Variants in L3MBTL4 observed in about 807,000 individuals in gnomAD.
The protein encoded by L3MBTL4 is L3MBTL histone methyl-lysine binding protein 4, also known as lethal(3)malignant brain tumor-like protein 4.
In L3MBTL4, 70 loss-of-function variants were observed where a neutral mutation model predicts 84.5. The ratio of observed to expected loss-of-function variants is 0.83; its 90% CI spans 0.68 to 1.01. The LOEUF is 1.01. Among genes scored for constraint, L3MBTL4 ranks in the 50% least tolerant of loss-of-function variants. L3MBTL4 has a pLI of 0.00. For synonymous variants in L3MBTL4, 274 were observed against 259.8 expected, an observed-to-expected ratio of 1.05 and a Z score of -0.52; for missense variants, 715 against 754.8, an observed-to-expected ratio of 0.95 and a Z score of 0.62.
chr18:6,163,151 C>A (rs191044525), intron 13 of L3MBTL4, among the ~76,000 whole-genome samples: 1 of 150,908 alleles, frequency 6.6e-6, no homozygotes, highest in East Asian at 2.0e-4. Context: ...CCTGGAGCAA[C>A]CATTTGTTTC....
chr18:6,026,066 T>A (rs2055491950), intron 16 of L3MBTL4, among the ~76,000 whole-genome samples: 1 of 152,246 alleles, frequency 6.6e-6, no homozygotes, highest in Admixed American at 6.5e-5. Context: ...CTCAGTAAAT[T>A]GGCAGATTCA....
At chr18:5,958,564 T>G (rs2144625965) in intron 18 of L3MBTL4, among the ~76,000 whole-genome samples, 1 of 152,336 alleles carries the variant, frequency 6.6e-6, no homozygotes, top group Non-Finnish European at 1.5e-5. Flanking sequence ...CTGATAACCC[T>G]GTAATATAGG....
intron 13 of L3MBTL4, among the ~76,000 whole-genome samples, chr18:6,158,876 G>A (rs2043204733): frequency 6.6e-6 from 1 of 152,274 alleles, no homozygotes; most frequent in Middle Eastern, 3.4e-3. Context: ...CAGAAATCTG[G>A]TGTCAAGATA....
intron 14 of L3MBTL4, among the ~76,000 whole-genome samples, chr18:6,101,173 T>G (rs1216043925): frequency 6.6e-6 from 1 of 152,194 alleles, no homozygotes; most frequent in Non-Finnish European, 1.5e-5. Context: ...GGGGCTATTT[T>G]TGCCTGTTCC....
chr18:6,285,126 C>A (rs1568436094), intron 4 of L3MBTL4, among the ~76,000 whole-genome samples: 1 of 152,240 alleles, frequency 6.6e-6, no homozygotes, highest in Non-Finnish European at 1.5e-5. Flanking sequence ...GAGGCGTCCG[C>A]AGAGGGGTGG....
At chr18:6,020,853 C>T (rs1043711745) in intron 16 of L3MBTL4, among the ~76,000 whole-genome samples, 21 of 152,052 alleles carry the variant, frequency 1.4e-4, no homozygotes, top group Non-Finnish European at 1.9e-4. Flanking sequence ...GACGTGCTCA[C>T]TAAGCAGAGG....
At chr18:6,090,599 C>G (rs1476456979) in intron 15 of L3MBTL4, among the ~76,000 whole-genome samples, 1 of 135,272 alleles carries the variant, frequency 7.4e-6, no homozygotes, top group Non-Finnish European at 1.5e-5. Flanking sequence ...TATATACACA[C>G]ACACACACAC....
At chr18:6,312,282 A>G (rs2050872951) in intron 1 of L3MBTL4, among the ~76,000 whole-genome samples, 1 of 152,222 alleles carries the variant, frequency 6.6e-6, no homozygotes, top group Non-Finnish European at 1.5e-5. Flanking sequence ...ATTGAAATAT[A>G]ATTTTTTAAA....
chr18:6,038,249 A>ATTTTT (rs1466729036), intron 16 of L3MBTL4, among the ~76,000 whole-genome samples: 5 of 88,522 alleles, frequency 5.6e-5, no homozygotes, highest in Non-Finnish European at 8.6e-5. Flanking sequence ...CCATTTCTGG[A>ATTTTT]TCTTTTTTTT....
chr18:6,344,820 T>C (rs2052795105), intron 1 of L3MBTL4, among the ~76,000 whole-genome samples: 1 of 147,148 alleles, frequency 6.8e-6, no homozygotes, highest in Admixed American at 6.7e-5. Context: ...GCATTTTTCA[T>C]GATTAAAAAA....
At position 6,123,656 on chromosome 18, in the gene L3MBTL4, G is replaced by A. The variant is rs148388715; in HGVS notation, c.1199+14538C>T. On this transcript the variant is annotated intron_variant, in intron 14 of 18. Transcript: ENST00000317931. ...TCTTTGGTATGTCTTTATTAGCAGCGTGAGAACAGATTAATATGAATATCA... is the reference window on the plus strand; with the variant it reads ...TCTTTGGTATGTCTTTATTAGCAGCATGAGAACAGATTAATATGAATATCA... Among the ~76,000 whole-genome samples the A allele has an allele frequency of 2.4e-4, 37 of 152,198 alleles. No homozygotes were observed. The East Asian group carries it at 2.9e-3, about 12-fold the overall frequency.
intron 10 of L3MBTL4, 69 bp downstream of exon 10, chr18:6,237,895 A>G: frequency 8.3e-7 from 1 of 1,200,080 alleles, no homozygotes; most frequent in South Asian, 1.2e-5. Flanking sequence ...GTCTTCATAA[A>G]CAAAATAAAA....
At chr18:6,233,976 C>T (rs2047106683) in intron 10 of L3MBTL4, among the ~76,000 whole-genome samples, 1 of 152,088 alleles carries the variant, frequency 6.6e-6, no homozygotes, top group East Asian at 1.9e-4. Context: ...GAGATATAGA[C>T]CAGTGGAACA....
At chr18:6,067,642 G>A (rs921257070) in intron 16 of L3MBTL4, among the ~76,000 whole-genome samples, 1 of 151,870 alleles carries the variant, frequency 6.6e-6, no homozygotes, top group Non-Finnish European at 1.5e-5. Context: ...GTTCTGACTG[G>A]TTTTACTTCA....
chr18:6,238,515 AGAGC>A (rs1313003925), intron 9 of L3MBTL4, among the ~76,000 whole-genome samples: 4 of 152,188 alleles, frequency 2.6e-5, no homozygotes, highest in Non-Finnish European at 5.9e-5. Context: ...CCTGGGCAAC[AGAGC>A]GAGATTCCAT....
intron 1 of L3MBTL4, chr18:6,396,685 G>T (rs1460136542): frequency 6.6e-6 from 1 of 152,192 alleles, no homozygotes; most frequent in Non-Finnish European, 1.5e-5. Context: ...TGGGGAATAA[G>T]CACATGTTAC....
chr18:6,071,531 G>A (rs2057599080), intron 16 of L3MBTL4, among the ~76,000 whole-genome samples: 1 of 151,636 alleles, frequency 6.6e-6, no homozygotes, highest in Non-Finnish European at 1.5e-5. Context: ...AGCACTTTGA[G>A]AGGCTGAGGT....
intron 1 of L3MBTL4, among the ~76,000 whole-genome samples, chr18:6,352,320 G>A (rs1370513152): frequency 1.3e-5 from 2 of 152,150 alleles, no homozygotes; most frequent in East Asian, 3.9e-4. Context: ...TTTTGGCTGA[G>A]TTTAGATCTA....
intron 1 of L3MBTL4, among the ~76,000 whole-genome samples, chr18:6,386,377 G>C (rs16950003): frequency 0.027 from 4,132 of 152,308 alleles, 186 homozygotes; most frequent in African/African-American, 0.093. Flanking sequence ...CACATATCAA[G>C]GGCCAGGAGC....
Sources: gnomAD v4.1 joint callset for allele counts (sites outside exome capture counted in the v4.1 genomes callset) on GRCh38, gnomAD v4.1.1 for gene constraint, MANE v1.5 for transcripts, NCBI Gene and HGNC (gene_info 2026-07-23, HGNC 2026-07-21) for gene names.